RRM1: variants seen among roughly 807,000 people sequenced by gnomAD.
The protein encoded by RRM1 is ribonucleoside-diphosphate reductase large subunit.
RRM1 carries 19 observed loss-of-function variants against 101.5 expected under a neutral mutation model. The ratio of observed to expected loss-of-function variants is 0.19; its 90% CI spans 0.13 to 0.27. RRM1 has a LOEUF of 0.27. RRM1 is among the 10% of genes least tolerant of loss of function. The pLI, the probability that RRM1 is intolerant of heterozygous loss-of-function variation, is 1.00. For missense variants in RRM1, 500 were observed against 962.9 expected (o/e 0.52, Z 6.36); for synonymous variants, 298 against 323.4 (o/e 0.92, Z 0.84).
At position 4,132,994 on chromosome 11, in the gene RRM1, C is replaced by T. The variant is rs2094602926; in HGVS notation, c.1906-569C>T. 6.6e-6 allele frequency among the ~76,000 whole-genome samples: 1 copy of T among 152,014 alleles called. No individual in the cohort carries two copies. Among genetic ancestry groups the T allele is most frequent in the Non-Finnish European group, 1.5e-5 (1 of 68,016 alleles). On this transcript the variant is annotated intron_variant, in intron 16 of 18. Transcript: ENST00000300738. This position sits in a 1 kb window ranked among gnomAD's most constrained non-coding sequence, Gnocchi z 4.1. ...TTAACCTAAGTATTTATAGATTTAC[C>T]CATCTTAGGCGCTATTCTTTTCACT...
rs1007021694 is a variant in RRM1, at chr11:4,132,149, G to C, written c.1770-137G>C. The C allele has an allele frequency of 4.8e-6, 4 of 833,276 alleles. No homozygotes were observed. In the African/African-American group the frequency reaches 6.8e-5, roughly 14 times the overall value. 51.6% of individuals were successfully genotyped at this position (833,276 alleles called of 1,614,324 possible). A position where few individuals can be genotyped will look rare whatever the true frequency, so the allele number is the denominator to read the frequency against. The stretch of plus-strand genomic sequence containing the variant: ...GTAGGAGTTTAATTTGAAAGTCAAC[G>C]TGTGAGTTCAATGCATGTACGATGT... On this transcript the variant is annotated intron_variant, in intron 15 of 18. Coordinates refer to ENST00000300738, the MANE Select transcript of RRM1 (RefSeq NM_001033.5). The surrounding 1 kb of genome is among the most constrained non-coding windows in gnomAD (Gnocchi z 4.1).
chr11:4,123,071 C>A, intron 11 of RRM1, 112 bp from the exon 12 acceptor site: 1 of 842,438 alleles, frequency 1.2e-6, no homozygotes, highest in South Asian at 2.0e-5. Flanking sequence ...TTTAGCAAAA[C>A]TTAGAGAAAA....
At chr11:4,104,349 C>T (rs553977211) in intron 2 of RRM1, among the ~76,000 whole-genome samples, 43 of 152,204 alleles carry the variant, frequency 2.8e-4, no homozygotes, top group Non-Finnish European at 4.0e-4. Flanking sequence ...TAGTTACACA[C>T]GTATGTGTCT....
At chr11:4,113,893 G>A (rs1245470851) in intron 7 of RRM1, among the ~76,000 whole-genome samples, 4 of 152,162 alleles carry the variant, frequency 2.6e-5, no homozygotes, top group African/African-American at 7.2e-5. Context: ...TTGGGAGGCC[G>A]AGGCGGGCGG....
Position 4,118,343 on chromosome 11 carries a change from A to G in RRM1, c.674A>G (p.Asp225Gly). The G allele has an allele frequency of 6.2e-7, 1 of 1,613,500 alleles. No homozygotes were observed. The highest frequency in any genetic ancestry group is 8.5e-7 in the Non-Finnish European group (1 of 1,179,740). ...LSSCFLLSMKDDSIEGIYDTL... is the reference protein window; with the variant it reads ...LSSCFLLSMKGDSIEGIYDTL... ...AGCTGTTTTCTTCTGAGTATGAAAG[A>G]TGACAGCATTGAAGGCATTTATGAC... The change falls in exon 8 of 19, where the codon GAT becomes GGT. Residue 225 changes from aspartate (D) to glycine (G), a missense_variant. By Grantham distance (94) the Asp-to-Gly change is moderately conservative. This residue lies in a region of RRM1 where 111 missense variants were observed against 219.8 expected (regional missense o/e 0.51). Coordinates refer to ENST00000300738, the MANE Select transcript of RRM1 (RefSeq NM_001033.5).
chr11:4,111,791 ATAAAGTT>A (rs2094565965), intron 6 of RRM1, 102 bp from the exon 7 acceptor site: 1 of 1,244,070 alleles, frequency 8.0e-7, no homozygotes, highest in Admixed American at 2.5e-5. Context: ...GTTTATTAGT[ATAAAGTT>A]TTTCTAGTTT....
chr11:4,128,566 C>T (rs1440399798), intron 14 of RRM1, among the ~76,000 whole-genome samples: 1 of 152,148 alleles, frequency 6.6e-6, no homozygotes, highest in Non-Finnish European at 1.5e-5. Context: ...GCCTGTGCAC[C>T]AAGGTGTGGG....
At chr11:4,104,142 A>G (rs186621830) in intron 2 of RRM1, among the ~76,000 whole-genome samples, 91 of 152,212 alleles carry the variant, frequency 6.0e-4, no homozygotes, top group African/African-American at 2.1e-3. Context: ...GTGTGCTGTT[A>G]GATCTGGCAC....
In RRM1 at chr11:4,129,938, T is replaced by C. The variant is rs185100069; in HGVS notation, c.1769+788T>C. On this transcript the variant is annotated intron_variant, in intron 15 of 18. Coordinates refer to ENST00000300738, the MANE Select transcript of RRM1 (RefSeq NM_001033.5). ...AAAGAGAAAATGAAAATTATACTAA[T>C]ACTGCCTCCCCCAGAAAACCTGTGT... 2.1e-4 allele frequency among the ~76,000 whole-genome samples: 31 copies of C among 151,196 alleles called. No individual in the cohort carries two copies. The East Asian group carries it at 6.0e-3, about 29-fold the overall frequency.
At position 4,133,581 on chromosome 11, in the gene RRM1, T is replaced by C. The variant is rs184558956; in HGVS notation, c.1924T>C (p.Leu642=). The C allele has an allele frequency of 3.1e-6, 5 of 1,609,448 alleles. No individual in the cohort carries two copies. The East Asian group carries it at 8.9e-5, about 29-fold the overall frequency. ...CATTCAGATTGTAAATCCTCACTTA[T>C]TGAAAGATCTTACCGAGCGGGGCCT... ...GEFQIVNPHL[L]KDLTERGLWH... is the part of the protein sequence containing the mutation. Residue 642 remains leucine, a synonymous_variant, in exon 17 of 19, where the codon TTG becomes CTG. Transcript: ENST00000300738.
chr11:4,123,906 A>C (rs2094585555), intron 12 of RRM1, among the ~76,000 whole-genome samples: 1 of 152,190 alleles, frequency 6.6e-6, no homozygotes, highest in Non-Finnish European at 1.5e-5. Flanking sequence ...TTCTAATCTC[A>C]AGTCTGTAAA....
At position 4,138,364 on chromosome 11, in the gene RRM1, G is replaced by A. The variant is rs1190285069; in HGVS notation, c.2360G>A (p.Cys787Tyr). 1 of 1,606,000 alleles carries A rather than the reference G, an allele frequency of 6.2e-7. No individual in the cohort carries two copies. Among genetic ancestry groups the A allele is most frequent in the Admixed American group, 1.7e-5 (1 of 58,480 alleles). The change falls in exon 19 of 19, where the codon TGT becomes TAT. Residue 787 changes from cysteine (C) to tyrosine (Y), a missense_variant. Around this residue, in one of 9 missense-constraint regions of RRM1, gnomAD observed 33 missense variants for 40.7 expected, o/e 0.81. Coordinates refer to ENST00000300738, the MANE Select transcript of RRM1 (RefSeq NM_001033.5). The part of the protein sequence containing the change: ...MVCSLENRDE[C>Y]LMCGS ...TGCTCTTTGGAGAATAGAGATGAATGTCTGATGTGTGGATCCTGAGGAAAG... is the reference window on the plus strand; with the variant it reads ...TGCTCTTTGGAGAATAGAGATGAATATCTGATGTGTGGATCCTGAGGAAAG...
intron 15 of RRM1, among the ~76,000 whole-genome samples, chr11:4,130,086 ATT>A (rs796657105): frequency 8.4e-4 from 84 of 99,418 alleles, no homozygotes; most frequent in African/African-American, 2.7e-3. Flanking sequence ...ATATATATAT[ATT>A]TTTTTTTTTT....
Position 4,100,605 on chromosome 11 carries a change from AAAAACT to A in RRM1, c.20-1384_20-1379del, listed in dbSNP as rs1446480059. 3.9e-5 allele frequency among the ~76,000 whole-genome samples: 6 copies of A among 152,372 alleles called. No individual in the cohort carries two copies. In the South Asian group the frequency reaches 6.2e-4, roughly 16 times the overall value. ...TGGATTGTAGGTGCACAAAAGAGAC[AAAAACT>A]AAATCAGTGTGAGACACTAACATTT... On this transcript the variant is annotated intron_variant, in intron 1 of 18. Coordinates refer to ENST00000300738, the MANE Select transcript of RRM1 (RefSeq NM_001033.5).
chr11:4,131,880 A>T (rs2094601120), intron 15 of RRM1, among the ~76,000 whole-genome samples: 1 of 152,208 alleles, frequency 6.6e-6, no homozygotes, highest in Admixed American at 6.5e-5. Flanking sequence ...CACTTGGAAA[A>T]GAGTGAGGGT....
chr11:4,106,286 A>G, intron 3 of RRM1, 63 bp downstream of exon 3: 1 of 1,369,042 alleles, frequency 7.3e-7, no homozygotes, highest in Non-Finnish European at 1.0e-6. Flanking sequence ...GGTACTAGAA[A>G]TAAATCTTGA....
chr11:4,111,360 G>A (rs1751058083), intron 5 of RRM1, among the ~76,000 whole-genome samples: 1 of 149,460 alleles, frequency 6.7e-6, no homozygotes, highest in South Asian at 2.1e-4. Context: ...GCAGTGAGCT[G>A]AGATTGCGCC....
chr11:4,118,543 T>G lies in RRM1; in HGVS notation c.792+82T>G, dbSNP rs2094577238. 4.1e-6 allele frequency: 6 copies of G among 1,466,396 alleles called. No individual in the cohort carries two copies. The Admixed American group carries it at 9.2e-5, about 22-fold the overall frequency. The allele number at this position is 1,466,396 out of a possible 1,614,324, so 90.8% of individuals were successfully genotyped here. On this transcript the variant is annotated intron_variant, in intron 8 of 18. Coordinates refer to ENST00000300738, the MANE Select transcript of RRM1 (RefSeq NM_001033.5). Reference sequence around the variant, plus strand: ...TCATGGTTGAGAGGGCATATGCTATTTTTTGGGAGTCCTGGGTCTCTGTTA... The same window carrying G: ...TCATGGTTGAGAGGGCATATGCTATGTTTTGGGAGTCCTGGGTCTCTGTTA...
chr11:4,102,083 TA>T lies in RRM1; in HGVS notation c.108+4del. 6.8e-7 allele frequency: 1 copy of T among 1,464,142 alleles called. No individual in the cohort carries two copies. Among genetic ancestry groups the T allele is most frequent in the Non-Finnish European group, 9.6e-7 (1 of 1,047,052 alleles). The allele number at this position is 1,464,142 out of a possible 1,614,324, so 90.7% of individuals were successfully genotyped here. On this transcript the variant is annotated splice_donor_region_variant and intron_variant, in intron 2 of 18. Transcript: ENST00000300738. The stretch of plus-strand genomic sequence containing the variant: ...CTCAATATGGATTTTGTTGATCCTG[TA>T]AGTAAATATGGTTTTTATCTTGGGT...
Sources: allele counts gnomAD v4.1 joint callset (sites outside exome capture counted in the v4.1 genomes callset), GRCh38; gene constraint gnomAD v4.1.1; regional missense constraint gnomAD v4.1.1; non-coding constraint Gnocchi (gnomAD v3.1); transcripts MANE v1.5; gene names NCBI Gene and HGNC (gene_info 2026-07-23, HGNC 2026-07-21).